Variants in CCN4 observed in about 807,000 individuals in gnomAD.
The protein encoded by CCN4 is CCN family member 4.
CCN4 carries 30 observed loss-of-function variants against 36.7 expected under a neutral mutation model. The observed-to-expected ratio is 0.82, with a 90% CI of 0.61 to 1.11. The LOEUF (loss-of-function observed/expected upper bound fraction) is 1.11, where lower values mean the gene tolerates loss of function less well. Ranked by LOEUF, CCN4 falls within the 50% of genes least tolerant of loss-of-function variation. The probability of loss-of-function intolerance (pLI) is 0.00; values close to 1 mark genes in which losing one functional copy is unlikely to be tolerated. For synonymous variants in CCN4, 191 were observed against 195.4 expected (o/e 0.98, Z 0.19); for missense variants, 505 against 504.9 (o/e 1.00, Z 0.00).
chr8:133,199,053 CA>C (rs1853490667), intron 1 of CCN4, among the ~76,000 whole-genome samples: 2 of 152,196 alleles, frequency 1.3e-5, no homozygotes, highest in African/African-American at 4.8e-5. Context: ...TGGGAGGGAA[CA>C]CCACTGATTT....
intron 1 of CCN4, among the ~76,000 whole-genome samples, chr8:133,207,535 T>G (rs922576218): frequency 2.0e-5 from 3 of 152,234 alleles, no homozygotes; most frequent in Non-Finnish European, 4.4e-5. Context: ...TCGAAAACTC[T>G]GGACAAGGCA....
chr8:133,209,067 A>G (rs1420393614), intron 1 of CCN4, among the ~76,000 whole-genome samples: 2 of 152,170 alleles, frequency 1.3e-5, no homozygotes, highest in Non-Finnish European at 2.9e-5. Context: ...AATCCTGTGC[A>G]TAGTAGGGAT....
rs761428685 is a variant in CCN4, at chr8:133,220,600, C to T, written c.369C>T (p.Cys123=). ...GVCAQVVGVG[C]VLDGVRYNNG... Reference sequence around the variant, plus strand: ...TTGCAGAGGTGGTCGGTGTGGGCTGCGTCCTGGATGGGGTGCGCTACAACA... The same window carrying T: ...TTGCAGAGGTGGTCGGTGTGGGCTGTGTCCTGGATGGGGTGCGCTACAACA... Residue 123 remains cysteine, a synonymous_variant, in exon 3 of 5, where the codon TGC becomes TGT. Transcript: ENST00000250160. 9 of 1,613,682 alleles carry T rather than the reference C, an allele frequency of 5.6e-6. No individual in the cohort carries two copies. Among genetic ancestry groups the T allele is most frequent in the South Asian group, 3.3e-5 (3 of 91,060 alleles).
intron 1 of CCN4, among the ~76,000 whole-genome samples, chr8:133,201,346 TA>T (rs369438703): frequency 5.3e-5 from 8 of 152,194 alleles, no homozygotes; most frequent in South Asian, 2.1e-4. Context: ...AACCATCTGT[TA>T]AAAAAAATTA....
intron 1 of CCN4, among the ~76,000 whole-genome samples, chr8:133,201,618 G>A (rs1366258403): frequency 6.6e-6 from 1 of 152,126 alleles, no homozygotes; most frequent in Non-Finnish European, 1.5e-5. Context: ...GAAGTGGGTG[G>A]ATCACTTGAG....
At chr8:133,218,674 G>T (rs1854413422) in intron 2 of CCN4, among the ~76,000 whole-genome samples, 1 of 152,136 alleles carries the variant, frequency 6.6e-6, no homozygotes, top group Non-Finnish European at 1.5e-5. Flanking sequence ...ATTCCAAACT[G>T]CTTCTCCTTG....
chr8:133,222,434 C>T (rs952599689), intron 3 of CCN4, among the ~76,000 whole-genome samples: 27 of 151,954 alleles, frequency 1.8e-4, no homozygotes, highest in Non-Finnish European at 3.5e-4. Flanking sequence ...GCCCTGCCCA[C>T]GGGATCTTAA....
In CCN4 at chr8:133,227,497, A is replaced by G; in HGVS notation, c.891A>G (p.Gln297=). The stretch of plus-strand genomic sequence containing the variant: ...GCTGCATCAGCACACGCTCCTATCA[A>G]CCCAAGTACTGTGGAGTTTGCATGG... ...LAGCISTRSY[Q]PKYCGVCMDN... is the part of the protein sequence containing the mutation. Residue 297 remains glutamine (Q), a synonymous_variant, in exon 5 of 5, where the codon CAA becomes CAG. Coordinates refer to ENST00000250160, the MANE Select transcript of CCN4 (RefSeq NM_003882.4). The G allele has an allele frequency of 6.2e-7, 1 of 1,614,044 alleles. No homozygotes were observed. The highest frequency in any genetic ancestry group is 8.5e-7 in the Non-Finnish European group (1 of 1,179,976).
At chr8:133,191,259 T>C (rs2130505953) in intron 1 of CCN4, 46 bp downstream of exon 1, 1 of 1,571,364 alleles carries the variant, frequency 6.4e-7, no homozygotes, top group Non-Finnish European at 8.6e-7. Context: ...AGCTCCCTTC[T>C]CTACTGGGTC....
intron 4 of CCN4, among the ~76,000 whole-genome samples, chr8:133,226,291 G>A (rs1854733824): frequency 1.3e-5 from 2 of 152,176 alleles, no homozygotes; most frequent in Non-Finnish European, 2.9e-5. Context: ...TTTTTGGAAT[G>A]CTGATGGTTT....
chr8:133,218,952 G>A (rs1012386542), intron 2 of CCN4, among the ~76,000 whole-genome samples: 4 of 151,842 alleles, frequency 2.6e-5, no homozygotes, highest in Admixed American at 6.6e-5. Flanking sequence ...CCTTTCCCCC[G>A]CACAGCCCCT....
chr8:133,199,509 C>T (rs1190265007), intron 1 of CCN4, among the ~76,000 whole-genome samples: 2 of 152,016 alleles, frequency 1.3e-5, no homozygotes, highest in East Asian at 3.9e-4. Context: ...GAGCATGTGT[C>T]GAGAAGGGGC....
intron 1 of CCN4, among the ~76,000 whole-genome samples, chr8:133,208,493 G>A (rs2130563152): frequency 6.6e-6 from 1 of 152,240 alleles, no homozygotes. Context: ...CCAGACCTCA[G>A]CCCAAACCAA....
rs767710015 is a variant in CCN4 at position 133,220,777 on chromosome 8, G to A, written c.546G>A (p.Gln182=). The A allele has an allele frequency of 6.2e-7, 1 of 1,612,788 alleles. No individual in the cohort carries two copies. Among genetic ancestry groups the A allele is most frequent in the East Asian group, 2.2e-5 (1 of 44,854 alleles). Residue 182 remains glutamine (Q), a synonymous_variant, in exon 3 of 5, where the codon CAG becomes CAA. Transcript: ENST00000250160. The part of the protein sequence containing the change: ...RVSIPGHCCE[Q]WVCEDDAKRP... The stretch of plus-strand genomic sequence containing the variant: ...GCATACCTGGCCACTGCTGTGAGCA[G>A]TGGGTATGTGAGGACGACGCCAAGA...
Position 133,223,987 on chromosome 8 carries a change from C to G in CCN4, c.611-1403C>G, listed in dbSNP as rs147035911. Reference sequence around the variant, plus strand: ...GAGTTGGCTGACAGTCAAATGACCACACAGACTCACATTAACTAAGGGCTT... The same window carrying G: ...GAGTTGGCTGACAGTCAAATGACCAGACAGACTCACATTAACTAAGGGCTT... On this transcript the variant is annotated intron_variant, in intron 3 of 4. Transcript: ENST00000250160. Among the ~76,000 whole-genome samples the G allele has an allele frequency of 7.7e-3, 1,170 of 152,224 alleles. 13 individuals carry two copies. Among genetic ancestry groups the G allele is most frequent in the African/African-American group, 0.026 (1,095 of 41,532 alleles).
At chr8:133,195,400 T>C (rs1853342508) in intron 1 of CCN4, among the ~76,000 whole-genome samples, 1 of 151,970 alleles carries the variant, frequency 6.6e-6, no homozygotes, top group African/African-American at 2.4e-5. Context: ...CAGAATAATG[T>C]GGGTCAAGTG....
At chr8:133,209,590 T>C (rs914919104) in intron 1 of CCN4, among the ~76,000 whole-genome samples, 7 of 152,214 alleles carry the variant, frequency 4.6e-5, no homozygotes, top group African/African-American at 1.7e-4. Context: ...CTCCAGGCAC[T>C]TAGAAAGGAA....
intron 2 of CCN4, among the ~76,000 whole-genome samples, chr8:133,217,432 C>T (rs1040454940): frequency 5.3e-5 from 8 of 152,238 alleles, no homozygotes; most frequent in African/African-American, 1.7e-4. Context: ...ATCACACCTG[C>T]ACTTGCAGAT....
At chr8:133,212,035 C>CT (rs1294639731) in intron 1 of CCN4, among the ~76,000 whole-genome samples, 1 of 152,188 alleles carries the variant, frequency 6.6e-6, no homozygotes, top group Non-Finnish European at 1.5e-5. Context: ...CTTGGTTTCC[C>CT]TTCCCAGCTG....
Sources: gnomAD v4.1 joint callset for allele counts (sites outside exome capture counted in the v4.1 genomes callset) on GRCh38, gnomAD v4.1.1 for gene constraint, MANE v1.5 for transcripts, NCBI Gene and HGNC (gene_info 2026-07-23, HGNC 2026-07-21) for gene names.